The following TCERG1L variants were observed in gnomAD, a reference collection of about 807,000 sequenced individuals.
TCERG1L encodes the protein transcription elongation regulator 1 like.
Under a neutral mutation model 56.3 loss-of-function variants are expected in TCERG1L, and 37 were observed. The observed-to-expected ratio is 0.66, with a 90% CI of 0.51 to 0.87. The LOEUF (loss-of-function observed/expected upper bound fraction) is 0.87, where lower values mean the gene tolerates loss of function less well. Among genes scored for constraint, TCERG1L ranks in the 40% least tolerant of loss-of-function variants. TCERG1L has a pLI of 0.00. For missense variants in TCERG1L, 799 were observed against 774.2 expected (o/e 1.03, Z -0.38); for synonymous variants, 324 against 326.3 (o/e 0.99, Z 0.08).
intron 8 of TCERG1L, among the ~76,000 whole-genome samples, chr10:131,126,894 C>T (rs943558032): frequency 1.3e-5 from 2 of 152,070 alleles, no homozygotes; most frequent in African/African-American, 4.8e-5. Flanking sequence ...TGGACGGGGC[C>T]AGACAAGAGC....
At position 131,122,200 on chromosome 10, in the gene TCERG1L, G is replaced by A. The variant is rs542233814; in HGVS notation, c.1260-5266C>T. On this transcript the variant is annotated intron_variant, in intron 8 of 11. Transcript: ENST00000368642. ...TGGCAGAGAGCTCCAAAAGATTCTT[G>A]GAACGTCCTAAGCACTAGAAATGAC... Among the ~76,000 whole-genome samples, 274 of 152,288 alleles carry A rather than the reference G, an allele frequency of 1.8e-3. 1 individual carries two copies. The highest frequency in any genetic ancestry group is 6.4e-3 in the African/African-American group (265 of 41,554).
chr10:131,120,019 C>T (rs889327916), intron 8 of TCERG1L, among the ~76,000 whole-genome samples: 2 of 152,152 alleles, frequency 1.3e-5, no homozygotes, highest in Non-Finnish European at 2.9e-5. Flanking sequence ...GGGTCCCTCA[C>T]GCCCAGGGTC....
chr10:131,236,119 C>T (rs1447830276), intron 4 of TCERG1L, among the ~76,000 whole-genome samples: 1 of 152,154 alleles, frequency 6.6e-6, no homozygotes, highest in African/African-American at 2.4e-5. Flanking sequence ...TCTTGCACTC[C>T]CATCTCCAAA....
chr10:131,285,537 G>GAA (rs61330944), intron 3 of TCERG1L, among the ~76,000 whole-genome samples: 1 of 116,814 alleles, frequency 8.6e-6, no homozygotes, highest in African/African-American at 3.5e-5. Flanking sequence ...AGAAAGAAAA[G>GAA]AAAAGAAAGA....
At chr10:131,272,935 G>A (rs1229507504) in intron 3 of TCERG1L, among the ~76,000 whole-genome samples, 1 of 152,214 alleles carries the variant, frequency 6.6e-6, no homozygotes, top group Admixed American at 6.5e-5. Context: ...TGCCCAGCCG[G>A]GAGCTCTGTA....
At chr10:131,256,992 G>GGAAGGAAAGAAAGAAA (rs1846173015) in intron 4 of TCERG1L, among the ~76,000 whole-genome samples, 7 of 59,202 alleles carry the variant, frequency 1.2e-4, no homozygotes, top group East Asian at 4.9e-4. Flanking sequence ...AAGGAAGGAA[G>GGAAGGAAAGAAAGAAA]GAAAGAAAGA....
intron 3 of TCERG1L, among the ~76,000 whole-genome samples, chr10:131,303,615 T>C (rs1846791289): frequency 6.6e-6 from 1 of 152,122 alleles, no homozygotes; most frequent in South Asian, 2.1e-4. Flanking sequence ...AGGTTTGTTG[T>C]TTGCTTTCTA....
At chr10:131,139,712 C>A (rs11817344) in intron 7 of TCERG1L, among the ~76,000 whole-genome samples, 1 of 142,848 alleles carries the variant, frequency 7.0e-6, no homozygotes, top group African/African-American at 2.6e-5. Context: ...GTGTGTGTGT[C>A]TGTGTGTATG....
chr10:131,241,541 C>T (rs561687483), intron 4 of TCERG1L, among the ~76,000 whole-genome samples: 119 of 151,548 alleles, frequency 7.9e-4, no homozygotes, highest in African/African-American at 2.5e-3. Context: ...CAGTGGATAG[C>T]GCAATATAAA....
intron 7 of TCERG1L, among the ~76,000 whole-genome samples, chr10:131,135,101 G>A (rs953234006): frequency 2.0e-5 from 3 of 152,244 alleles, no homozygotes; most frequent in African/African-American, 7.2e-5. Flanking sequence ...TTCTCCAGGA[G>A]GGAAGAGGAA....
rs1227749044 is a variant in TCERG1L at position 131,176,801 on chromosome 10, TAC to T, written c.857-9918_857-9917del. ...ATGGACACACAGAGATACACGTACA[TAC>T]ACAGAGACACATGCACACACAGACA... On this transcript the variant is annotated intron_variant, in intron 4 of 11. Coordinates refer to ENST00000368642, the MANE Select transcript of TCERG1L (RefSeq NM_174937.4). Among the ~76,000 whole-genome samples, 7 of 13,664 alleles carry T rather than the reference TAC, an allele frequency of 5.1e-4. No homozygotes were observed. In the South Asian group the frequency reaches 0.016, roughly 32 times the overall value. 9.0% of individuals were successfully genotyped at this position (13,664 alleles called of 152,430 possible).
Position 131,222,798 on chromosome 10 carries a change from C to T in TCERG1L, c.856+37461G>A, listed in dbSNP as rs200305736. Among the ~76,000 whole-genome samples the T allele has an allele frequency of 2.9e-4, 44 of 152,288 alleles. 1 individual carries two copies. The East Asian group carries it at 6.8e-3, about 23-fold the overall frequency. Reference sequence around the variant, plus strand: ...TTTAGAGGGTGGATAAGGCCCCTTCCCAAGCCACCGCTCTCTGGGGAGGGT... The same window carrying T: ...TTTAGAGGGTGGATAAGGCCCCTTCTCAAGCCACCGCTCTCTGGGGAGGGT... On this transcript the variant is annotated intron_variant, in intron 4 of 11. Transcript: ENST00000368642.
intron 3 of TCERG1L, among the ~76,000 whole-genome samples, chr10:131,285,413 AAGAGAG>A (rs371015184): frequency 9.5e-6 from 1 of 105,802 alleles, no homozygotes. Context: ...GAAGGAAGGA[AAGAGAG>A]AGAGAGAGAA....
At chr10:131,154,545 C>T (rs986323881) in intron 6 of TCERG1L, among the ~76,000 whole-genome samples, 1 of 152,240 alleles carries the variant, frequency 6.6e-6, no homozygotes, top group Admixed American at 6.5e-5. Flanking sequence ...CCTTTGCCGT[C>T]TTCTCTCCCT....
chr10:131,221,681 C>T (rs999551692), intron 4 of TCERG1L, among the ~76,000 whole-genome samples: 6 of 152,280 alleles, frequency 3.9e-5, no homozygotes, highest in South Asian at 2.1e-4. Flanking sequence ...ATTTTGTCAC[C>T]GGTTTTTGCA....
chr10:131,177,080 A>AGACG (rs1341805565), intron 4 of TCERG1L, among the ~76,000 whole-genome samples: 6 of 60,326 alleles, frequency 9.9e-5, no homozygotes, highest in East Asian at 1.1e-3. Flanking sequence ...ACATACACAC[A>AGACG]CACGTACTCA....
intron 4 of TCERG1L, among the ~76,000 whole-genome samples, chr10:131,241,762 C>T (rs562985145): frequency 3.8e-4 from 58 of 152,124 alleles, no homozygotes; most frequent in Non-Finnish European, 7.5e-4. Flanking sequence ...TATGTATACA[C>T]ATATGCATCT....
At chr10:131,178,054 C>T (rs959321411) in intron 4 of TCERG1L, among the ~76,000 whole-genome samples, 2 of 152,118 alleles carry the variant, frequency 1.3e-5, no homozygotes, top group East Asian at 1.9e-4. Flanking sequence ...CCTTTACTCC[C>T]GGGGCTTTCT....
intron 3 of TCERG1L, among the ~76,000 whole-genome samples, chr10:131,301,607 T>C (rs149828261): frequency 2.0e-4 from 31 of 152,150 alleles, no homozygotes; most frequent in Non-Finnish European, 5.9e-5. Context: ...TCTAAAGTAA[T>C]TGTGTTTCAA....
Sources: allele counts gnomAD v4.1 joint callset (sites outside exome capture counted in the v4.1 genomes callset), GRCh38; gene constraint gnomAD v4.1.1; transcripts MANE v1.5; gene names NCBI Gene and HGNC (gene_info 2026-07-23, HGNC 2026-07-21).